Variants in SSBP2 observed in about 807,000 individuals in gnomAD.
The protein encoded by SSBP2 is single stranded DNA binding protein 2, also known as single-stranded DNA-binding protein 2.
A neutral mutation model predicts 61.8 loss-of-function variants in SSBP2; 17 were observed. The observed-to-expected ratio is 0.28, with a 90% CI of 0.19 to 0.41. SSBP2 has a LOEUF of 0.41. SSBP2 is among the 10% of genes least tolerant of loss of function. The pLI, the probability that SSBP2 is intolerant of heterozygous loss-of-function variation, is 1.00. For synonymous variants in SSBP2, 139 were observed against 141.3 expected (o/e 0.98, Z 0.12); for missense variants, 310 against 458.7 (o/e 0.68, Z 2.96).
At chr5:81,646,792 G>C (rs977711697) in intron 2 of SSBP2, among the ~76,000 whole-genome samples, 11 of 148,304 alleles carry the variant, frequency 7.4e-5, no homozygotes, top group East Asian at 6.0e-4. Context: ...GTCTTCATGT[G>C]CAGGTCCCTG....
At chr5:81,557,900 A>C (rs1166557975) in intron 4 of SSBP2, among the ~76,000 whole-genome samples, 1 of 152,144 alleles carries the variant, frequency 6.6e-6, no homozygotes. Flanking sequence ...AAATCCAGAC[A>C]TTATGAATTT....
intron 4 of SSBP2, among the ~76,000 whole-genome samples, chr5:81,596,450 G>A (rs1581127941): frequency 1.9e-5 from 2 of 104,838 alleles, no homozygotes; most frequent in African/African-American, 7.8e-5. Context: ...TCCCCATCAA[G>A]CTACCAATGA....
chr5:81,506,699 G>C (rs568365016), intron 5 of SSBP2, among the ~76,000 whole-genome samples: 1 of 152,104 alleles, frequency 6.6e-6, no homozygotes, highest in Non-Finnish European at 1.5e-5. Context: ...TATATAAACG[G>C]CTGGATTTAG....
At chr5:81,740,319 A>G (rs1278464488) in intron 1 of SSBP2, among the ~76,000 whole-genome samples, 1 of 152,184 alleles carries the variant, frequency 6.6e-6, no homozygotes, top group African/African-American at 2.4e-5. Context: ...AAAAAAAAAA[A>G]AAGAATGTAC....
intron 1 of SSBP2, among the ~76,000 whole-genome samples, chr5:81,750,008 C>G (rs1438117407): frequency 6.6e-6 from 1 of 152,022 alleles, no homozygotes; most frequent in Admixed American, 6.5e-5. Flanking sequence ...CCACAACTCC[C>G]CTCCGCGCGC....
chr5:81,703,987 AGTC>A (rs2153897303), intron 1 of SSBP2, among the ~76,000 whole-genome samples: 1 of 152,352 alleles, frequency 6.6e-6, no homozygotes, highest in South Asian at 2.1e-4. Flanking sequence ...CTGCTGCTTT[AGTC>A]CCTTGGACAT....
chr5:81,551,497 A>C (rs1772186106), intron 4 of SSBP2, among the ~76,000 whole-genome samples: 1 of 152,198 alleles, frequency 6.6e-6, no homozygotes, highest in Non-Finnish European at 1.5e-5. Context: ...AAATGCTGAC[A>C]GTCAGTCTAC....
intron 1 of SSBP2, among the ~76,000 whole-genome samples, chr5:81,672,611 G>A (rs573539247): frequency 1.4e-5 from 2 of 144,360 alleles, no homozygotes; most frequent in South Asian, 4.4e-4. Flanking sequence ...CACTCTTGTT[G>A]TCCAGGCTGG....
At chr5:81,592,022 G>A (rs557430652) in intron 4 of SSBP2, among the ~76,000 whole-genome samples, 137 of 152,362 alleles carry the variant, frequency 9.0e-4, no homozygotes, top group African/African-American at 3.1e-3. Context: ...TGCGCAAGCC[G>A]AAGCAGGGCG....
At chr5:81,629,704 A>G (rs983385460) in intron 3 of SSBP2, among the ~76,000 whole-genome samples, 3 of 152,218 alleles carry the variant, frequency 2.0e-5, no homozygotes, top group Admixed American at 6.5e-5. Flanking sequence ...CCAGCTTTAT[A>G]GAGGTATGGT....
At chr5:81,537,415 C>T (rs1770892348) in intron 4 of SSBP2, among the ~76,000 whole-genome samples, 1 of 152,126 alleles carries the variant, frequency 6.6e-6, no homozygotes, top group Non-Finnish European at 1.5e-5. Flanking sequence ...TTCAAAATTT[C>T]AGTGACCATC....
At chr5:81,589,202 T>C (rs1439995306) in intron 4 of SSBP2, among the ~76,000 whole-genome samples, 1 of 152,168 alleles carries the variant, frequency 6.6e-6, no homozygotes, top group African/African-American at 2.4e-5. Flanking sequence ...CAAACTAACA[T>C]GGGCAACTAA....
chr5:81,712,728 G>GT (rs34642922), intron 1 of SSBP2, among the ~76,000 whole-genome samples: 82,304 of 142,078 alleles, frequency 0.58, 23,675 homozygotes, highest in Middle Eastern at 0.7. Context: ...TTGTTTCTTT[G>GT]TTTTTTTTTT....
intron 14 of SSBP2, among the ~76,000 whole-genome samples, chr5:81,438,703 TAAGA>T (rs1762825635): frequency 6.6e-6 from 1 of 152,208 alleles, no homozygotes; most frequent in African/African-American, 2.4e-5. Flanking sequence ...TTCTGGTGAC[TAAGA>T]TAATGAGAGC....
At chr5:81,493,174 T>C (rs997665777) in intron 5 of SSBP2, among the ~76,000 whole-genome samples, 8 of 151,690 alleles carry the variant, frequency 5.3e-5, no homozygotes, top group African/African-American at 1.5e-4. Context: ...TGGTAGAAAT[T>C]TGTTCATTCA....
chr5:81,708,080 A>G (rs76061858), intron 1 of SSBP2, among the ~76,000 whole-genome samples: 2,452 of 152,210 alleles, frequency 0.016, 56 homozygotes, highest in African/African-American at 0.056. Flanking sequence ...CTTATCTGTT[A>G]ATTTTTAAAA....
At chr5:81,581,891 C>T (rs923389998) in intron 4 of SSBP2, among the ~76,000 whole-genome samples, 3 of 152,084 alleles carry the variant, frequency 2.0e-5, no homozygotes, top group Admixed American at 6.6e-5. Flanking sequence ...AACCATAATT[C>T]TAACTAAAAA....
intron 2 of SSBP2, among the ~76,000 whole-genome samples, chr5:81,649,399 G>A (rs1057440014): frequency 6.6e-6 from 1 of 152,002 alleles, no homozygotes; most frequent in Non-Finnish European, 1.5e-5. Flanking sequence ...TGGTGGATTA[G>A]ATGAAGATGG....
chr5:81,653,937 C>G (rs1749984209), intron 1 of SSBP2, among the ~76,000 whole-genome samples: 1 of 152,014 alleles, frequency 6.6e-6, no homozygotes, highest in South Asian at 2.1e-4. Flanking sequence ...TCTTCCGTCC[C>G]AAGCTCCAAA....
Sources: gnomAD v4.1 joint callset for allele counts (sites outside exome capture counted in the v4.1 genomes callset) on GRCh38, gnomAD v4.1.1 for gene constraint, MANE v1.5 for transcripts, NCBI Gene and HGNC (gene_info 2026-07-23, HGNC 2026-07-21) for gene names.